UXS1: variants seen among roughly 807,000 people sequenced by gnomAD.
The protein encoded by UXS1 is UDP-glucuronic acid decarboxylase 1.
In UXS1, 33 loss-of-function variants were observed where a neutral mutation model predicts 62.6. That is an observed-to-expected ratio of 0.53 (90% CI 0.40 to 0.70). The LOEUF is 0.70. UXS1 is among the 30% of genes least tolerant of loss of function. The pLI is 0.00. For synonymous variants in UXS1, 213 were observed against 206.8 expected, an observed-to-expected ratio of 1.03 and a Z score of -0.26; for missense variants, 434 against 556.3, an observed-to-expected ratio of 0.78 and a Z score of 2.21.
chr2:106,162,256 T>C (rs769896546), intron 4 of UXS1, among the ~76,000 whole-genome samples: 85 of 152,310 alleles, frequency 5.6e-4, no homozygotes, highest in Admixed American at 1.6e-3. Context: ...CAAGAATAAA[T>C]TATTAGTAAA....
chr2:106,146,144 TGGA>T (rs896071545), intron 5 of UXS1, among the ~76,000 whole-genome samples: 13 of 152,198 alleles, frequency 8.5e-5, no homozygotes, highest in Non-Finnish European at 4.4e-5. Context: ...ATGGTGTAAC[TGGA>T]GGAGGATAAA....
intron 1 of UXS1, among the ~76,000 whole-genome samples, chr2:106,174,178 G>T (rs1683732374): frequency 6.6e-6 from 1 of 152,146 alleles, no homozygotes; most frequent in African/African-American, 2.4e-5. Flanking sequence ...CAGGATGGTT[G>T]TTTTCATAAC....
chr2:106,104,533 G>A (rs1677885947), intron 11 of UXS1, among the ~76,000 whole-genome samples: 1 of 152,074 alleles, frequency 6.6e-6, no homozygotes, highest in Admixed American at 6.5e-5. Flanking sequence ...CTCAGAGCTG[G>A]GCAACTTCAC....
At chr2:106,165,765 T>C (rs557704480) in intron 2 of UXS1, among the ~76,000 whole-genome samples, 1 of 152,036 alleles carries the variant, frequency 6.6e-6, no homozygotes, top group South Asian at 2.1e-4. Flanking sequence ...CACCCAGAAA[T>C]ACAATTTACA....
At chr2:106,146,063 T>TGC (rs1199571830) in intron 5 of UXS1, among the ~76,000 whole-genome samples, 1 of 152,216 alleles carries the variant, frequency 6.6e-6, no homozygotes, top group Non-Finnish European at 1.5e-5. Flanking sequence ...CCTAGACCCC[T>TGC]GCAAAGGTGA....
chr2:106,190,946 A>AACTAGC (rs1684888845), intron 1 of UXS1, among the ~76,000 whole-genome samples: 3 of 142,102 alleles, frequency 2.1e-5, no homozygotes, highest in African/African-American at 4.9e-5. Flanking sequence ...CAAAGGGCAG[A>AACTAGC]AACTGAGTTC....
At position 106,107,501 on chromosome 2, in the gene UXS1, C is replaced by G. The variant is rs573736492; in HGVS notation, c.880-2664G>C. ...GGAACACAATCCAGGGCAATACATG[C>G]TGGGTAAGCCCCCCGACCGGGATGG... On this transcript the variant is annotated intron_variant, in intron 10 of 14. Transcript: ENST00000283148. Among the ~76,000 whole-genome samples the G allele has an allele frequency of 2.0e-5, 3 of 152,324 alleles. No homozygotes were observed. The South Asian group carries it at 6.2e-4, about 32-fold the overall frequency.
At chr2:106,114,600 G>T (rs1678913630) in intron 9 of UXS1, among the ~76,000 whole-genome samples, 1 of 152,224 alleles carries the variant, frequency 6.6e-6, no homozygotes, top group South Asian at 2.1e-4. Flanking sequence ...AAAATTTGCA[G>T]CAAATCAAAT....
At chr2:106,145,132 G>T (rs762694426) in intron 6 of UXS1, 58 bp downstream of exon 6, 15 of 1,563,914 alleles carry the variant, frequency 9.6e-6, no homozygotes, top group Non-Finnish European at 1.3e-5. Flanking sequence ...GAATCCCGCA[G>T]CTCTGGCAAG....
intron 10 of UXS1, among the ~76,000 whole-genome samples, chr2:106,106,231 G>T (rs997542003): frequency 6.6e-6 from 1 of 152,086 alleles, no homozygotes; most frequent in Non-Finnish European, 1.5e-5. Context: ...GGGTGTGGTG[G>T]TGGGCGCCTG....
chr2:106,097,355 C>T (rs952938320), intron 13 of UXS1: 2 of 387,652 alleles, frequency 5.2e-6, no homozygotes, highest in Admixed American at 2.9e-5. Context: ...CTTGCTGGGC[C>T]CAGGCCCCAC....
At chr2:106,175,471 T>G (rs568300196) in intron 1 of UXS1, among the ~76,000 whole-genome samples, 24 of 152,188 alleles carry the variant, frequency 1.6e-4, no homozygotes, top group Non-Finnish European at 5.9e-5. Flanking sequence ...ACACCTTGCA[T>G]GGGGGGACAG....
chr2:106,130,188 G>A (rs1382655376), intron 6 of UXS1, among the ~76,000 whole-genome samples: 1 of 152,018 alleles, frequency 6.6e-6, no homozygotes, highest in Non-Finnish European at 1.5e-5. Flanking sequence ...AGAACTATGG[G>A]AGAAAGTAGC....
At chr2:106,172,381 A>G (rs1683620355) in intron 1 of UXS1, among the ~76,000 whole-genome samples, 1 of 152,246 alleles carries the variant, frequency 6.6e-6, no homozygotes, top group Admixed American at 6.5e-5. Flanking sequence ...AAGAAAAGGC[A>G]TGCCCCAAAA....
intron 8 of UXS1, 51 bp from the exon 9 acceptor site, chr2:106,123,142 A>C (rs76374170): frequency 0.025 from 39,631 of 1,608,756 alleles, 658 homozygotes; most frequent in East Asian, 0.07. Flanking sequence ...TTTCCAGTTC[A>C]TATCAATAAT....
At position 106,169,437 on chromosome 2, in the gene UXS1, C is replaced by T. The variant is rs535576414; in HGVS notation, c.95-3354G>A. On this transcript the variant is annotated intron_variant, in intron 1 of 14. Transcript: ENST00000283148. ...TTCAGGTTGGTGCGGTGGCTTGTGCCTGTAATCCTAATACTTTGGGAGGCC... is the reference window on the plus strand; with the variant it reads ...TTCAGGTTGGTGCGGTGGCTTGTGCTTGTAATCCTAATACTTTGGGAGGCC... 1.3e-4 allele frequency among the ~76,000 whole-genome samples: 20 copies of T among 152,266 alleles called. No individual in the cohort carries two copies. The East Asian group carries it at 3.3e-3, about 25-fold the overall frequency.
chr2:106,105,294 C>T lies in UXS1; in HGVS notation c.880-457G>A, dbSNP rs572247220. Among the ~76,000 whole-genome samples the T allele has an allele frequency of 9.2e-5, 14 of 152,242 alleles. No individual in the cohort carries two copies. In the South Asian group the frequency reaches 1.0e-3, roughly 11 times the overall value. On this transcript the variant is annotated intron_variant, in intron 10 of 14. Transcript: ENST00000283148. ...GTTCACAGACTGTTTGGGATGAGGC[C>T]GGCATCTCCTGGTATTGTTACAGCT...
chr2:106,148,389 C>A (rs1681749702), intron 5 of UXS1, among the ~76,000 whole-genome samples: 1 of 152,150 alleles, frequency 6.6e-6, no homozygotes, highest in African/African-American at 2.4e-5. Flanking sequence ...AGAAATGTAA[C>A]CCCTTTTAAC....
chr2:106,150,370 T>A (rs1381769749), intron 5 of UXS1, among the ~76,000 whole-genome samples: 2 of 152,146 alleles, frequency 1.3e-5, no homozygotes, highest in African/African-American at 2.4e-5. Context: ...CTTAAGACAA[T>A]GGGAGAATGA....
Sources: gnomAD v4.1 joint callset for allele counts (sites outside exome capture counted in the v4.1 genomes callset) on GRCh38, gnomAD v4.1.1 for gene constraint, MANE v1.5 for transcripts, NCBI Gene and HGNC (gene_info 2026-07-23, HGNC 2026-07-21) for gene names.